TRIM35: variants seen among roughly 807,000 people sequenced by gnomAD.
TRIM35 encodes E3 ubiquitin-protein ligase TRIM35.
A neutral mutation model predicts 49.1 loss-of-function variants in TRIM35; 37 were observed. That is an observed-to-expected ratio of 0.75 (90% CI 0.58 to 0.99). The LOEUF is 0.99. TRIM35 is among the 50% of genes least tolerant of loss of function. The probability of loss-of-function intolerance (pLI) is 0.00; values close to 1 mark genes in which losing one functional copy is unlikely to be tolerated. For synonymous variants in TRIM35, 302 were observed against 289.3 expected (o/e 1.04, Z -0.45); for missense variants, 648 against 702.7 (o/e 0.92, Z 0.88).
rs369941040 is a variant in TRIM35 at position 27,300,653 on chromosome 8, T to C, written c.436-2094A>G. The stretch of plus-strand genomic sequence containing the variant: ...GAAAACAAAATGGTTACTGATTTCA[T>C]TTTCTGCAGTTCTGTTTTATTTTCA... On this transcript the variant is annotated intron_variant, in intron 1 of 5. Coordinates refer to ENST00000305364, the MANE Select transcript of TRIM35 (RefSeq NM_171982.5). 1.2e-4 allele frequency among the ~76,000 whole-genome samples: 18 copies of C among 152,376 alleles called. No homozygotes were observed. The East Asian group carries it at 3.5e-3, about 29-fold the overall frequency.
Position 27,287,965 on chromosome 8 carries a change from T to C in TRIM35, c.1067A>G (p.His356Arg). 6.2e-7 allele frequency: 1 copy of C among 1,613,206 alleles called. No homozygotes were observed. Among genetic ancestry groups the C allele is most frequent in the Non-Finnish European group, 8.5e-7 (1 of 1,179,882 alleles). Residue 356 changes from histidine (H) to arginine (R), a missense_variant, in exon 6 of 6, where the codon CAC (histidine) becomes CGC (arginine). By Grantham distance (29) the His-to-Arg change is conservative. Transcript: ENST00000305364. The surrounding 1 kb of genome is among the most constrained non-coding windows in gnomAD (Gnocchi z 6.0). ...CCCCCCAAGGGCCACCTCCCAGGCG[T>C]GCGAGCCCTGTGAGAAGACACGGGA... ...LGSRVFSQGS[H>R]AWEVALGGLQ...
In TRIM35 at chr8:27,305,632, T is replaced by A. The variant is rs112739626; in HGVS notation, c.435+5169A>T. Among the ~76,000 whole-genome samples the A allele has an allele frequency of 2.0e-5, 3 of 152,286 alleles. No individual in the cohort carries two copies. The East Asian group carries it at 5.8e-4, about 29-fold the overall frequency. On this transcript the variant is annotated intron_variant, in intron 1 of 5. Coordinates refer to ENST00000305364, the MANE Select transcript of TRIM35 (RefSeq NM_171982.5). ...GGGTTAGATCCAGCCAGATGGACTCTAAGATGTTGACGCCAGAAGGGGAGA... is the reference window on the plus strand; with the variant it reads ...GGGTTAGATCCAGCCAGATGGACTCAAAGATGTTGACGCCAGAAGGGGAGA...
At chr8:27,296,154 C>CT (rs563260897) in intron 2 of TRIM35, among the ~76,000 whole-genome samples, 14,248 of 129,392 alleles carry the variant, frequency 0.11, 837 homozygotes, top group Middle Eastern at 0.2. Context: ...GGGTGATTCT[C>CT]TTTTTTTTTT....
intron 1 of TRIM35, among the ~76,000 whole-genome samples, chr8:27,300,431 C>A (rs1315901334): frequency 6.6e-6 from 1 of 151,870 alleles, no homozygotes; most frequent in Non-Finnish European, 1.5e-5. Flanking sequence ...CCCACAGAAC[C>A]CTGACTGCAG....
chr8:27,285,825 C>T lies in TRIM35; in HGVS notation c.*1725G>A, dbSNP rs1802305935. 4.8e-6 allele frequency: 1 copy of T among 208,412 alleles called. No homozygotes were observed. The highest frequency in any genetic ancestry group is 9.9e-6 in the Non-Finnish European group (1 of 101,108). The allele number at this position is 208,412 out of a possible 1,614,324, so 12.9% of individuals were successfully genotyped here. On this transcript the variant is annotated 3_prime_UTR_variant, in exon 6 of 6. Transcript: ENST00000305364. ...AAATACTTTACAGGAGAGGGTCACA[C>T]TCTCAGACACTTTGGCTCCCAAAGG...
Position 27,297,447 on chromosome 8 carries a change from C to A in TRIM35, c.531+1017G>T, listed in dbSNP as rs867549322. The stretch of plus-strand genomic sequence containing the variant: ...ACAACCAGAATGGGGACAGAGGGAG[C>A]CCACTCATTCATTTGATTAACAGTT... On this transcript the variant is annotated intron_variant, in intron 2 of 5. Coordinates refer to ENST00000305364, the MANE Select transcript of TRIM35 (RefSeq NM_171982.5). 3.3e-5 allele frequency among the ~76,000 whole-genome samples: 5 copies of A among 152,174 alleles called. No homozygotes were observed. In the South Asian group the frequency reaches 1.0e-3, roughly 32 times the overall value.
At chr8:27,290,782 T>G (rs1802436842) in intron 3 of TRIM35, among the ~76,000 whole-genome samples, 1 of 152,072 alleles carries the variant, frequency 6.6e-6, no homozygotes, top group Admixed American at 6.6e-5. Flanking sequence ...TCACACAAAA[T>G]TTCAAGGAAC....
chr8:27,286,886 C>T lies in TRIM35; in HGVS notation c.*664G>A, dbSNP rs1276465868. On this transcript the variant is annotated 3_prime_UTR_variant, in exon 6 of 6. Transcript: ENST00000305364. ...CGCCAGCTGCCTCCTTCACATGGCT[C>T]TCCCAGGGCTGTCACACCCCAGGCC... 1 of 152,758 alleles carries T rather than the reference C, an allele frequency of 6.5e-6. No individual in the cohort carries two copies. Among genetic ancestry groups the T allele is most frequent in the African/African-American group, 2.4e-5 (1 of 41,454 alleles). The allele number at this position is 152,758 out of a possible 1,614,324, so 9.5% of individuals were successfully genotyped here.
At position 27,309,919 on chromosome 8, in the gene TRIM35, G is replaced by A. The variant is rs372127834; in HGVS notation, c.435+882C>T. 5.3e-5 allele frequency among the ~76,000 whole-genome samples: 8 copies of A among 151,776 alleles called. No homozygotes were observed. In the East Asian group the frequency reaches 1.2e-3, roughly 22 times the overall value. On this transcript the variant is annotated intron_variant, in intron 1 of 5. Coordinates refer to ENST00000305364, the MANE Select transcript of TRIM35 (RefSeq NM_171982.5). Reference sequence around the variant, plus strand: ...AGGCACCAGAATCGCTTGAACCCAGGAGGCGGAGGTTGCAGTGAGCTAAGA... The same window carrying A: ...AGGCACCAGAATCGCTTGAACCCAGAAGGCGGAGGTTGCAGTGAGCTAAGA...
chr8:27,301,175 A>G (rs1260827387), intron 1 of TRIM35, among the ~76,000 whole-genome samples: 1 of 152,248 alleles, frequency 6.6e-6, no homozygotes, highest in Non-Finnish European at 1.5e-5. Flanking sequence ...TTAAGCATGT[A>G]CTAGACACAA....
intron 3 of TRIM35, among the ~76,000 whole-genome samples, chr8:27,293,202 G>A (rs766031537): frequency 7.9e-5 from 12 of 151,802 alleles, no homozygotes; most frequent in South Asian, 2.1e-4. Flanking sequence ...ACTCTACAGC[G>A]ACACCCCTTC....
At chr8:27,299,765 G>A (rs1259967620) in intron 1 of TRIM35, among the ~76,000 whole-genome samples, 1 of 152,230 alleles carries the variant, frequency 6.6e-6, no homozygotes, top group African/African-American at 2.4e-5. Context: ...GGCTGATGCT[G>A]TAAAGGGATG....
intron 1 of TRIM35, among the ~76,000 whole-genome samples, chr8:27,299,855 A>G (rs1802648224): frequency 1.3e-5 from 2 of 152,162 alleles, no homozygotes; most frequent in Non-Finnish European, 1.5e-5. Context: ...CAAAGGACAG[A>G]TTCAGGCAGG....
chr8:27,298,271 T>A (rs920671069), intron 2 of TRIM35, among the ~76,000 whole-genome samples, 193 bp downstream of exon 2: 1 of 152,072 alleles, frequency 6.6e-6, no homozygotes, highest in Non-Finnish European at 1.5e-5. Flanking sequence ...CACGCCTGGG[T>A]CTTTAGAGGG....
In TRIM35 at chr8:27,287,613, C is replaced by A. The variant is rs1173381496; in HGVS notation, c.1419G>T (p.Gly473=). Residue 473 remains glycine, a synonymous_variant, in exon 6 of 6, where the codon GGG becomes GGT. Transcript: ENST00000305364. This position sits in a 1 kb window ranked among gnomAD's most constrained non-coding sequence, Gnocchi z 6.0. ...YFYLGGARGA[G]PPEPLRICPL... is the part of the protein sequence containing the mutation. ...GGCAGATGCGCAAAGGCTCTGGAGG[C>A]CCGGCGCCCCGTGCACCCCCCAGGT... is the stretch of plus-strand genomic sequence containing the variant. The A allele has an allele frequency of 2.5e-6, 4 of 1,606,184 alleles. No individual in the cohort carries two copies. In the African/African-American group the frequency reaches 4.0e-5, roughly 16 times the overall value.
Position 27,307,616 on chromosome 8 carries a change from C to A in TRIM35, c.435+3185G>T, listed in dbSNP as rs933693723. On this transcript the variant is annotated intron_variant, in intron 1 of 5. Coordinates refer to ENST00000305364, the MANE Select transcript of TRIM35 (RefSeq NM_171982.5). ...ACACAACCAGTACCTTCTGCCAGCC[C>A]TGACAATGGTCAACAGCCACTCCAA... is the stretch of plus-strand genomic sequence containing the variant. 1.2e-4 allele frequency among the ~76,000 whole-genome samples: 19 copies of A among 152,324 alleles called. No homozygotes were observed. In the East Asian group the frequency reaches 3.7e-3, roughly 29 times the overall value.
At chr8:27,288,270 G>T in intron 5 of TRIM35, 143 bp from the exon 6 acceptor site, 1 of 790,106 alleles carries the variant, frequency 1.3e-6, no homozygotes, top group South Asian at 1.8e-5. Flanking sequence ...TGGAGTGGTG[G>T]CAGGGGTTGG....
rs1380990080 is a variant in TRIM35, at chr8:27,285,500, C to T, written c.*2050G>A. On this transcript the variant is annotated 3_prime_UTR_variant, in exon 6 of 6. Transcript: ENST00000305364. ...GCATGATAAATAAAATGTAGTACTA[C>T]CATTCCATACAATGGAATATTACCC... 1 of 152,030 alleles carries T rather than the reference C, an allele frequency of 6.6e-6. No individual in the cohort carries two copies. Among genetic ancestry groups the T allele is most frequent in the Admixed American group, 6.5e-5 (1 of 15,270 alleles). The allele number at this position is 152,030 out of a possible 1,614,324, so 9.4% of individuals were successfully genotyped here.
intron 1 of TRIM35, among the ~76,000 whole-genome samples, chr8:27,299,567 G>A (rs534131056): frequency 3.2e-4 from 48 of 152,306 alleles, no homozygotes; most frequent in Non-Finnish European, 5.4e-4. Flanking sequence ...GTGGAAGGAC[G>A]TGAACCTGGA....
Sources: gnomAD v4.1 joint callset for allele counts (sites outside exome capture counted in the v4.1 genomes callset) on GRCh38, gnomAD v4.1.1 for gene constraint, Gnocchi (gnomAD v3.1) non-coding constraint, MANE v1.5 for transcripts, NCBI Gene and HGNC (gene_info 2026-07-23, HGNC 2026-07-21) for gene names.